Variants in APBB1IP observed in about 807,000 individuals in gnomAD.
The protein encoded by APBB1IP is amyloid beta A4 precursor protein-binding family B member 1-interacting protein.
APBB1IP carries 27 observed loss-of-function variants against 64.9 expected under a neutral mutation model. That is an observed-to-expected ratio of 0.42 (90% CI 0.31 to 0.57). The LOEUF (loss-of-function observed/expected upper bound fraction) is 0.57. Ranked by LOEUF, APBB1IP falls within the 20% of genes least tolerant of loss-of-function variation. The probability of loss-of-function intolerance (pLI) is 0.20; values close to 1 mark genes in which losing one functional copy is unlikely to be tolerated. For synonymous variants in APBB1IP, 392 were observed against 331.0 expected (o/e 1.18, Z -2.00); for missense variants, 812 against 845.5 (o/e 0.96, Z 0.49).
chr10:26,551,401 C>A (rs1241423607), intron 11 of APBB1IP, among the ~76,000 whole-genome samples: 1 of 152,176 alleles, frequency 6.6e-6, no homozygotes, highest in East Asian at 1.9e-4. Flanking sequence ...GAAACCATCC[C>A]CTTACCGTCC....
At chr10:26,524,974 T>TTTTTTTTTTTTA (rs1554778195) in intron 8 of APBB1IP, among the ~76,000 whole-genome samples, 13 of 126,756 alleles carry the variant, frequency 1.0e-4, no homozygotes, top group East Asian at 2.9e-4. Flanking sequence ...TTTTTTTTTT[T>TTTTTTTTTTTTA]ATAAAAAAAG....
At chr10:26,446,322 C>T (rs1439336460) in intron 2 of APBB1IP, among the ~76,000 whole-genome samples, 1 of 152,270 alleles carries the variant, frequency 6.6e-6, no homozygotes, top group East Asian at 1.9e-4. Context: ...TAATGGCTTC[C>T]TTCTGATTAA....
At position 26,501,123 on chromosome 10, in the gene APBB1IP, G is replaced by A. The variant is rs772217826; in HGVS notation, c.453+12G>A. ...AACCTCTCTCTCAGGTAAGTATGTGGGACCAGAGATGGCAGGACCATCAAC... is the reference window on the plus strand; with the variant it reads ...AACCTCTCTCTCAGGTAAGTATGTGAGACCAGAGATGGCAGGACCATCAAC... On this transcript the variant is annotated intron_variant, in intron 5 of 14. Transcript: ENST00000376236. 3 of 1,614,050 alleles carry A rather than the reference G, an allele frequency of 1.9e-6. No individual in the cohort carries two copies. The highest frequency in any genetic ancestry group is 2.5e-6 in the Non-Finnish European group (3 of 1,179,978).
chr10:26,506,818 G>A (rs567340579), intron 6 of APBB1IP, among the ~76,000 whole-genome samples: 17 of 152,084 alleles, frequency 1.1e-4, no homozygotes, highest in Non-Finnish European at 2.5e-4. Context: ...TTAGAGTCTA[G>A]TTAGACTCTA....
intron 2 of APBB1IP, among the ~76,000 whole-genome samples, chr10:26,454,339 G>T (rs770539875): frequency 1.3e-5 from 2 of 152,146 alleles, no homozygotes; most frequent in Admixed American, 6.5e-5. Context: ...TACTTGGGAG[G>T]CTGAGGCAGG....
chr10:26,567,721 C>A lies in APBB1IP; in HGVS notation c.*233C>A. Reference sequence around the variant, plus strand: ...CCTAAATGGAATGTATCTTCCCTTCCAAGCTGCCTAAAGCGCTGTTTTAGG... The same window carrying A: ...CCTAAATGGAATGTATCTTCCCTTCAAAGCTGCCTAAAGCGCTGTTTTAGG... On this transcript the variant is annotated 3_prime_UTR_variant, in exon 15 of 15. Transcript: ENST00000376236. 1 of 1,033,178 alleles carries A rather than the reference C, an allele frequency of 9.7e-7. No homozygotes were observed. 64.0% of individuals were successfully genotyped at this position (1,033,178 alleles called of 1,614,324 possible). A position where few individuals can be genotyped will look rare whatever the true frequency, so the allele number is the denominator to read the frequency against.
chr10:26,560,893 C>A, intron 13 of APBB1IP, 49 bp downstream of exon 13: 3 of 1,410,078 alleles, frequency 2.1e-6, no homozygotes, highest in Non-Finnish European at 2.9e-6. Context: ...CTTGGTGCTC[C>A]AGTTCAAAAT....
intron 6 of APBB1IP, among the ~76,000 whole-genome samples, chr10:26,504,760 T>C (rs1311247344): frequency 6.6e-6 from 1 of 151,904 alleles, no homozygotes; most frequent in Non-Finnish European, 1.5e-5. Context: ...AAGGCAAAGA[T>C]GAAACAGTCT....
intron 8 of APBB1IP, among the ~76,000 whole-genome samples, chr10:26,528,850 T>C (rs1334543968): frequency 6.6e-6 from 1 of 152,100 alleles, no homozygotes; most frequent in Non-Finnish European, 1.5e-5. Context: ...GGTGGGAGAA[T>C]TGCTTGAACC....
chr10:26,543,997 T>C (rs1447597262), intron 11 of APBB1IP, among the ~76,000 whole-genome samples: 5 of 152,208 alleles, frequency 3.3e-5, no homozygotes, highest in African/African-American at 9.7e-5. Context: ...AGCACTTATA[T>C]GGCATTTTCT....
chr10:26,459,065 A>G (rs1412117860), intron 2 of APBB1IP, among the ~76,000 whole-genome samples: 1 of 147,384 alleles, frequency 6.8e-6, no homozygotes, highest in Non-Finnish European at 1.5e-5. Context: ...CATTAGGTAT[A>G]TCTCCTAATG....
At chr10:26,529,414 A>T (rs1404510015) in intron 8 of APBB1IP, among the ~76,000 whole-genome samples, 3 of 152,268 alleles carry the variant, frequency 2.0e-5, no homozygotes, top group Non-Finnish European at 4.4e-5. Flanking sequence ...AAAACAGTGT[A>T]GCATGGTCAC....
chr10:26,463,803 T>C (rs1423293444), intron 2 of APBB1IP, among the ~76,000 whole-genome samples: 1 of 152,178 alleles, frequency 6.6e-6, no homozygotes, highest in Admixed American at 6.6e-5. Context: ...TGTATGCATG[T>C]GCCATGGTGG....
intron 6 of APBB1IP, among the ~76,000 whole-genome samples, chr10:26,508,678 G>A (rs1836214995): frequency 6.6e-6 from 1 of 152,042 alleles, no homozygotes. Context: ...GCAAACGTGA[G>A]GGAAGCTGTG....
chr10:26,563,297 G>A (rs1346477120), intron 14 of APBB1IP, among the ~76,000 whole-genome samples: 2 of 152,074 alleles, frequency 1.3e-5, no homozygotes, highest in South Asian at 2.1e-4. Context: ...AGGCTGCAGT[G>A]AGCTCTGGTT....
At chr10:26,450,211 C>A (rs766897005) in intron 2 of APBB1IP, among the ~76,000 whole-genome samples, 1 of 152,168 alleles carries the variant, frequency 6.6e-6, no homozygotes, top group African/African-American at 2.4e-5. Context: ...AAATACTCAG[C>A]CATTAAATGC....
chr10:26,536,559 T>A (rs981153109), intron 10 of APBB1IP, among the ~76,000 whole-genome samples: 1 of 151,846 alleles, frequency 6.6e-6, no homozygotes, highest in Admixed American at 6.6e-5. Context: ...TCTGGAATCA[T>A]AGAGGTATTG....
intron 14 of APBB1IP, among the ~76,000 whole-genome samples, chr10:26,565,333 C>G (rs536756552): frequency 3.9e-5 from 6 of 152,144 alleles, no homozygotes; most frequent in Non-Finnish European, 7.3e-5. Context: ...AAAAATGTAT[C>G]CCTTCCTATA....
At chr10:26,538,866 TG>T (rs2132467479) in intron 10 of APBB1IP, among the ~76,000 whole-genome samples, 1 of 152,284 alleles carries the variant, frequency 6.6e-6, no homozygotes, top group Non-Finnish European at 1.5e-5. Flanking sequence ...GATCTCCTGC[TG>T]TGCCAAAACA....
Sources: gnomAD v4.1 joint callset for allele counts (sites outside exome capture counted in the v4.1 genomes callset) on GRCh38, gnomAD v4.1.1 for gene constraint, MANE v1.5 for transcripts, NCBI Gene and HGNC (gene_info 2026-07-23, HGNC 2026-07-21) for gene names.